The following HEMK2 variants were observed in gnomAD, a reference collection of about 807,000 sequenced individuals.
The protein encoded by HEMK2 is HemK methyltransferase 2, ETF1 glutamine and histone H4 lysine, also known as methyltransferase HEMK2.
the HEMK2 span, among the ~76,000 whole-genome samples, chr21:28,856,319 G>A: frequency 1.3e-5 from 2 of 152,062 alleles, no homozygotes; most frequent in African/African-American, 4.8e-5. Flanking sequence ...GGAGGCTGAA[G>A]CAGGAGAATT....
chr21:28,770,804 T>C, the HEMK2 span, among the ~76,000 whole-genome samples: 1 of 152,150 alleles, frequency 6.6e-6, no homozygotes, highest in African/African-American at 2.4e-5. Flanking sequence ...ATCTTTGTTA[T>C]AAATTGCTTG....
the HEMK2 span, among the ~76,000 whole-genome samples, chr21:28,860,811 T>C: frequency 3.9e-5 from 6 of 152,190 alleles, no homozygotes; most frequent in African/African-American, 7.2e-5. Context: ...GCTGAATTTA[T>C]TGATTTGGGC....
At chr21:28,825,926 A>G in the HEMK2 span, among the ~76,000 whole-genome samples, 15 of 152,218 alleles carry the variant, frequency 9.9e-5, no homozygotes, top group Non-Finnish European at 2.1e-4. Context: ...TCCAGCCATA[A>G]GGAAAGAAAG....
At chr21:28,719,555 T>TC in the HEMK2 span, among the ~76,000 whole-genome samples, 2 of 152,328 alleles carry the variant, frequency 1.3e-5, no homozygotes, top group African/African-American at 4.8e-5. Flanking sequence ...CCATTGAACC[T>TC]CTTTCCTTTA....
chr21:28,592,412 A>G, the HEMK2 span, among the ~76,000 whole-genome samples: 2 of 152,224 alleles, frequency 1.3e-5, no homozygotes, highest in Non-Finnish European at 2.9e-5. Context: ...GATGATAAAG[A>G]TGATGTCATT....
At chr21:28,796,476 A>G in the HEMK2 span, among the ~76,000 whole-genome samples, 1 of 152,208 alleles carries the variant, frequency 6.6e-6, no homozygotes, top group East Asian at 1.9e-4. Flanking sequence ...ATATGTTCCA[A>G]TTAGCTAGAC....
chr21:28,838,972 A>AAAATATATATAT, the HEMK2 span, among the ~76,000 whole-genome samples: 2 of 29,164 alleles, frequency 6.9e-5, no homozygotes, highest in Non-Finnish European at 1.1e-4. Flanking sequence ...AAAAAAAAAA[A>AAAATATATATAT]ATATATATAT....
At chr21:28,724,991 C>T in the HEMK2 span, among the ~76,000 whole-genome samples, 1 of 152,040 alleles carries the variant, frequency 6.6e-6, no homozygotes, top group Non-Finnish European at 1.5e-5. Context: ...GTCATGTTGG[C>T]CCGGCTGGTC....
the HEMK2 span, among the ~76,000 whole-genome samples, chr21:28,661,750 G>C: frequency 6.6e-6 from 1 of 152,106 alleles, no homozygotes; most frequent in Non-Finnish European, 1.5e-5. Context: ...TATCTCCACT[G>C]TCCAATACAG....
the HEMK2 span, among the ~76,000 whole-genome samples, chr21:28,831,100 T>C: frequency 6.6e-6 from 1 of 152,014 alleles, no homozygotes; most frequent in Non-Finnish European, 1.5e-5. Flanking sequence ...AGGGATGCCA[T>C]GTGTCATAGC....
At chr21:28,581,224 CT>C in the HEMK2 span, among the ~76,000 whole-genome samples, 1,545 of 132,200 alleles carry the variant, frequency 0.012, 18 homozygotes, top group African/African-American at 0.032. Context: ...AAAAGTATGG[CT>C]TTTTTTTTTT....
the HEMK2 span, among the ~76,000 whole-genome samples, chr21:28,685,502 CAGA>C: frequency 2.0e-5 from 3 of 152,090 alleles, no homozygotes; most frequent in Admixed American, 6.5e-5. Flanking sequence ...ATTAAGAAAG[CAGA>C]AGATTTAAGA....
chr21:28,603,547 ATATGTG>A, the HEMK2 span, among the ~76,000 whole-genome samples: 44 of 80,768 alleles, frequency 5.4e-4, no homozygotes, highest in Non-Finnish European at 9.8e-4. Context: ...CTGAGGATAT[ATATGTG>A]TGTGTGTGTG....
chr21:28,647,054 G>T, the HEMK2 span, among the ~76,000 whole-genome samples: 3 of 152,256 alleles, frequency 2.0e-5, no homozygotes, highest in South Asian at 6.2e-4. Context: ...TTGAAAATAT[G>T]ATTTTCTATA....
At chr21:28,781,485 T>A in the HEMK2 span, among the ~76,000 whole-genome samples, 1 of 12 alleles carries the variant, frequency 0.083, no homozygotes, top group Non-Finnish European at 0.17. Context: ...TCTTGAAGGA[T>A]TTCACAGAAC....
the HEMK2 span, among the ~76,000 whole-genome samples, chr21:28,581,479 G>GTACCCAGGGCAGAAGGA: frequency 4.0e-5 from 6 of 151,570 alleles, no homozygotes; most frequent in Non-Finnish European, 5.9e-5. Flanking sequence ...CACAGCTGAG[G>GTACCCAGGGCAGAAGGA]GAAACTTAAC....
chr21:28,744,825 T>G, the HEMK2 span, among the ~76,000 whole-genome samples: 17 of 152,340 alleles, frequency 1.1e-4, no homozygotes, highest in Admixed American at 1.0e-3. Context: ...GTTTCATGCT[T>G]TTAGAAAATC....
chr21:28,798,065 C>T, the HEMK2 span, among the ~76,000 whole-genome samples: 1 of 152,130 alleles, frequency 6.6e-6, no homozygotes, highest in Non-Finnish European at 1.5e-5. Context: ...ACAGCCAGTC[C>T]TGAGGATCCA....
At chr21:28,789,061 T>C in the HEMK2 span, among the ~76,000 whole-genome samples, 2 of 152,134 alleles carry the variant, frequency 1.3e-5, no homozygotes, top group African/African-American at 4.8e-5. Context: ...GACTCCTTGA[T>C]TTCAGGTTTC....
Sources: gnomAD v4.1 joint callset for allele counts (sites outside exome capture counted in the v4.1 genomes callset) on GRCh38, gnomAD v4.1.1 for gene constraint, MANE v1.5 for transcripts, NCBI Gene and HGNC (gene_info 2026-07-23, HGNC 2026-07-21) for gene names.